Variants in NINL observed in about 807,000 individuals in gnomAD.
The protein encoded by NINL is ninein-like protein.
NINL carries 153 observed loss-of-function variants against 160.3 expected under a neutral mutation model. That is an observed-to-expected ratio of 0.95 (90% CI 0.84 to 1.09). The LOEUF (loss-of-function observed/expected upper bound fraction) is 1.09, where lower values mean the gene tolerates loss of function less well. NINL is among the 50% of genes least tolerant of loss of function. The pLI, the probability that NINL is intolerant of heterozygous loss-of-function variation, is 0.00. For synonymous variants in NINL, 800 were observed against 734.8 expected (o/e 1.09, Z -1.43); for missense variants, 1,829 against 1,764.0 (o/e 1.04, Z -0.66).
At chr20:25,495,399 A>G (rs961017139) in intron 10 of NINL, among the ~76,000 whole-genome samples, 5 of 152,158 alleles carry the variant, frequency 3.3e-5, no homozygotes, top group Admixed American at 6.5e-5. Context: ...CTTCTTTGCT[A>G]GCCACGCTCA....
intron 22 of NINL, among the ~76,000 whole-genome samples, chr20:25,456,241 CAAAAA>C (rs34657031): frequency 2.5e-5 from 1 of 40,676 alleles, no homozygotes; most frequent in Non-Finnish European, 4.2e-5. Context: ...GACTCCATCT[CAAAAA>C]AAAAAAAAAA....
chr20:25,473,223 G>A, intron 17 of NINL, among the ~76,000 whole-genome samples: 1 of 152,132 alleles, frequency 6.6e-6, no homozygotes, highest in East Asian at 1.9e-4. Context: ...CTTGTTCTGG[G>A]CGCTGGTAAC....
At chr20:25,479,335 C>G in intron 15 of NINL, 129 bp from the exon 16 acceptor site, 1 of 1,204,456 alleles carries the variant, frequency 8.3e-7, no homozygotes, top group Non-Finnish European at 1.2e-6. Flanking sequence ...GCCGAGGTGC[C>G]AGGGTGTGCA....
chr20:25,512,981 C>A lies in NINL; in HGVS notation c.303G>T (p.Lys101Asn). 1 of 1,601,934 alleles carries A rather than the reference C, an allele frequency of 6.2e-7. No homozygotes were observed. Among genetic ancestry groups the A allele is most frequent in the Non-Finnish European group, 8.5e-7 (1 of 1,172,654 alleles). ...ESAASSAIPP[K>N]YVNGSKWYGR... The stretch of plus-strand genomic sequence containing the variant: ...CATACCACTTAGAACCATTCACATA[C>A]TTTGGAGGGATGGCACTGGAGGCAG... The change falls in exon 4 of 24, where the codon AAG becomes AAT. Residue 101 changes from lysine to asparagine, a missense_variant. By Grantham distance (94) the Lys-to-Asn change is moderately conservative. Transcript: ENST00000278886.
At chr20:25,514,183 A>T (rs1400080703) in intron 3 of NINL, among the ~76,000 whole-genome samples, 1 of 152,204 alleles carries the variant, frequency 6.6e-6, no homozygotes, top group Non-Finnish European at 1.5e-5. Flanking sequence ...AGTGGTCTCA[A>T]ATGGAGATAA....
chr20:25,538,857 G>A (rs965133220), intron 1 of NINL, among the ~76,000 whole-genome samples: 1 of 152,088 alleles, frequency 6.6e-6, no homozygotes, highest in Non-Finnish European at 1.5e-5. Context: ...ACAGGGCTGG[G>A]GAACACAGGG....
At chr20:25,571,412 G>A (rs1015894192) in intron 1 of NINL, among the ~76,000 whole-genome samples, 2 of 152,220 alleles carry the variant, frequency 1.3e-5, no homozygotes, top group Admixed American at 6.5e-5. Flanking sequence ...CCTCGAAGGA[G>A]CCTGCTGGGA....
At chr20:25,573,599 G>A (rs1252478940) in intron 1 of NINL, among the ~76,000 whole-genome samples, 3 of 152,164 alleles carry the variant, frequency 2.0e-5, no homozygotes, top group Non-Finnish European at 2.9e-5. Flanking sequence ...CCTAAAAGAG[G>A]ATTCAGAATT....
At chr20:25,490,032 G>A (rs1457662924) in intron 11 of NINL, 47 bp from the exon 12 acceptor site, 2 of 1,520,908 alleles carry the variant, frequency 1.3e-6, no homozygotes, top group Non-Finnish European at 1.8e-6. Flanking sequence ...CAGGACGGAG[G>A]GGATGTGTGC....
intron 1 of NINL, among the ~76,000 whole-genome samples, chr20:25,534,830 C>A (rs1046443217): frequency 6.6e-6 from 1 of 152,174 alleles, no homozygotes; most frequent in Non-Finnish European, 1.5e-5. Context: ...TGCATATCCT[C>A]CTGTATACTT....
chr20:25,567,188 T>C (rs2065007188), intron 1 of NINL, among the ~76,000 whole-genome samples: 1 of 152,108 alleles, frequency 6.6e-6, no homozygotes, highest in Admixed American at 6.5e-5. Flanking sequence ...ATCAACGAGC[T>C]TGAAAATATT....
At chr20:25,512,575 C>T (rs931981176) in intron 4 of NINL, among the ~76,000 whole-genome samples, 1 of 152,192 alleles carries the variant, frequency 6.6e-6, no homozygotes, top group Non-Finnish European at 1.5e-5. Flanking sequence ...CCAGCCATGC[C>T]TCCTGCACAG....
At chr20:25,491,546 C>G (rs971059873) in intron 10 of NINL, 21 bp from the exon 11 acceptor site, 5 of 1,607,202 alleles carry the variant, frequency 3.1e-6, no homozygotes, top group Non-Finnish European at 4.3e-6. Flanking sequence ...TCACACATCA[C>G]ACGTCAGACA....
chr20:25,490,962 G>A (rs896580452), intron 11 of NINL, among the ~76,000 whole-genome samples: 2 of 151,348 alleles, frequency 1.3e-5, no homozygotes, highest in African/African-American at 2.4e-5. Flanking sequence ...AACCCCATCA[G>A]CTCCAGGCCA....
intron 8 of NINL, 79 bp downstream of exon 8, chr20:25,500,761 G>T: frequency 6.6e-7 from 1 of 1,513,866 alleles, no homozygotes. Context: ...CCTGGCTTGG[G>T]ACGCTCCATC....
At chr20:25,569,084 C>T (rs968633155) in intron 1 of NINL, among the ~76,000 whole-genome samples, 13 of 151,676 alleles carry the variant, frequency 8.6e-5, no homozygotes, top group South Asian at 2.1e-4. Flanking sequence ...AAATATTAGC[C>T]GGGCATGGTG....
At chr20:25,461,461 G>A (rs6107047) in intron 21 of NINL, 61 bp downstream of exon 21, 442,334 of 999,152 alleles carry the variant, frequency 0.44, 104,196 homozygotes, top group East Asian at 0.91. Context: ...CGTTGGCACT[G>A]CGGTGATGCT....
intron 1 of NINL, among the ~76,000 whole-genome samples, chr20:25,532,024 AGCCCTGGCT>A (rs2064473724): frequency 6.6e-6 from 1 of 152,170 alleles, no homozygotes; most frequent in Non-Finnish European, 1.5e-5. Flanking sequence ...GGGCCTGCAG[AGCCCTGGCT>A]GCCCTTAGAA....
At chr20:25,565,141 C>T (rs980499206) in intron 1 of NINL, among the ~76,000 whole-genome samples, 1 of 152,202 alleles carries the variant, frequency 6.6e-6, no homozygotes, top group South Asian at 2.1e-4. Flanking sequence ...AAATCCCCCA[C>T]TCTTCGGACA....
Sources: allele counts gnomAD v4.1 joint callset (sites outside exome capture counted in the v4.1 genomes callset), GRCh38; gene constraint gnomAD v4.1.1; transcripts MANE v1.5; gene names NCBI Gene and HGNC (gene_info 2026-07-23, HGNC 2026-07-21).